Variants in AGAP1 observed in about 807,000 individuals in gnomAD.
The protein encoded by AGAP1 is arf-GAP with GTPase, ANK repeat and PH domain-containing protein 1.
Under a neutral mutation model 105.3 loss-of-function variants are expected in AGAP1, and 29 were observed. The observed-to-expected ratio is 0.28, with a 90% CI of 0.21 to 0.38. AGAP1 has a LOEUF of 0.38. Ranked by LOEUF, AGAP1 falls within the 10% of genes least tolerant of loss-of-function variation. The pLI is 1.00. For synonymous variants in AGAP1, 509 were observed against 485.9 expected (o/e 1.05, Z -0.63); for missense variants, 998 against 1,165.1 (o/e 0.86, Z 2.09).
intron 16 of AGAP1, among the ~76,000 whole-genome samples, chr2:236,060,854 C>T (rs1414228994): frequency 6.6e-6 from 1 of 152,120 alleles, no homozygotes; most frequent in Non-Finnish European, 1.5e-5. Context: ...TTGAGGCCAG[C>T]ATCTCAAGAC....
At chr2:236,070,026 A>T (rs1193054994) in intron 16 of AGAP1, among the ~76,000 whole-genome samples, 1 of 152,252 alleles carries the variant, frequency 6.6e-6, no homozygotes, top group Non-Finnish European at 1.5e-5. Flanking sequence ...CCAAGGGCAC[A>T]CTGGTCCACT....
intron 16 of AGAP1, among the ~76,000 whole-genome samples, chr2:236,077,509 G>A (rs1344309485): frequency 1.3e-5 from 2 of 151,964 alleles, no homozygotes; most frequent in African/African-American, 2.4e-5. Flanking sequence ...AGTAGAGACG[G>A]GGTTTCATCA....
intron 12 of AGAP1, among the ~76,000 whole-genome samples, chr2:235,941,934 G>A (rs190374970): frequency 6.6e-6 from 1 of 152,256 alleles, no homozygotes; most frequent in East Asian, 1.9e-4. Flanking sequence ...GTGAGGAAAA[G>A]CATTCTAAAA....
At position 236,104,343 on chromosome 2, in the gene AGAP1, CG is replaced by C. The variant is rs1203871268; in HGVS notation, c.2115-15845del. Among the ~76,000 whole-genome samples, 5 of 152,244 alleles carry C rather than the reference CG, an allele frequency of 3.3e-5. No individual in the cohort carries two copies. Among genetic ancestry groups the C allele is most frequent in the African/African-American group, 1.2e-4 (5 of 41,466 alleles). ...CCATCCCCAGTGCCCTCTGACTGCA[CG>C]GGGCTGAGAAGTCCCCCAGCGGTGC... On this transcript the variant is annotated intron_variant, in intron 16 of 17. Transcript: ENST00000304032. This position sits in a 1 kb window ranked among gnomAD's most constrained non-coding sequence, Gnocchi z 4.7.
At chr2:235,589,497 G>A (rs989496559) in intron 1 of AGAP1, among the ~76,000 whole-genome samples, 11 of 152,094 alleles carry the variant, frequency 7.2e-5, no homozygotes, top group Middle Eastern at 3.4e-3. Context: ...ATGAGCCACC[G>A]CGCCAGTGCT....
intron 9 of AGAP1, among the ~76,000 whole-genome samples, chr2:235,816,686 T>C (rs986483089): frequency 6.6e-6 from 1 of 150,946 alleles, no homozygotes; most frequent in East Asian, 2.0e-4. Flanking sequence ...AGGCCAGGAG[T>C]TCAAGACCAG....
chr2:236,073,979 GT>G lies in AGAP1; in HGVS notation c.2114+24700del, dbSNP rs2058572659. 6.6e-6 allele frequency among the ~76,000 whole-genome samples: 1 copy of G among 152,160 alleles called. No homozygotes were observed. The highest frequency in any genetic ancestry group is 1.5e-5 in the Non-Finnish European group (1 of 68,028). On this transcript the variant is annotated intron_variant, in intron 16 of 17. Transcript: ENST00000304032. The surrounding 1 kb of genome is among the most constrained non-coding windows in gnomAD (Gnocchi z 5.4). ...GCCAAGGTCTCCTCCAGGAGCACAGGTTCTCACCTGGGGCTGATCTGCCCCC... is the reference window on the plus strand; with the variant it reads ...GCCAAGGTCTCCTCCAGGAGCACAGGTCTCACCTGGGGCTGATCTGCCCCC...
rs529207964 is a variant in AGAP1, at chr2:236,125,950, C to T, written c.*1828C>T. 2.1e-4 allele frequency: 32 copies of T among 151,912 alleles called. No homozygotes were observed. Among genetic ancestry groups the T allele is most frequent in the African/African-American group, 5.8e-4 (24 of 41,284 alleles). The allele number at this position is 151,912 out of a possible 1,614,324, so 9.4% of individuals were successfully genotyped here. Reference sequence around the variant, plus strand: ...TGTAGCACAGAAACATGAAGCCACACGCACCGGCAGCCTCCGGGGTGTTCC... The same window carrying T: ...TGTAGCACAGAAACATGAAGCCACATGCACCGGCAGCCTCCGGGGTGTTCC... On this transcript the variant is annotated 3_prime_UTR_variant, in exon 18 of 18. Transcript: ENST00000304032. This position sits in a 1 kb window ranked among gnomAD's most constrained non-coding sequence, Gnocchi z 5.2.
At position 235,855,497 on chromosome 2, in the gene AGAP1, A is replaced by G. The variant is rs911211566; in HGVS notation, c.1051-27848A>G. 2.6e-5 allele frequency among the ~76,000 whole-genome samples: 4 copies of G among 152,226 alleles called. No homozygotes were observed. Among genetic ancestry groups the G allele is most frequent in the Non-Finnish European group, 5.9e-5 (4 of 68,030 alleles). ...CCAAATTCTAAACTGTGTTACGTTC[A>G]GTATGTTTTTGAAGTCATAAAAGTT... On this transcript the variant is annotated intron_variant, in intron 9 of 17. Transcript: ENST00000304032. This position sits in a 1 kb window ranked among gnomAD's most constrained non-coding sequence, Gnocchi z 5.0.
At position 235,901,644 on chromosome 2, in the gene AGAP1, G is replaced by T. The variant is rs1184263961; in HGVS notation, c.1156-7094G>T. 2.6e-5 allele frequency among the ~76,000 whole-genome samples: 4 copies of T among 152,152 alleles called. No homozygotes were observed. Among genetic ancestry groups the T allele is most frequent in the Non-Finnish European group, 5.9e-5 (4 of 68,024 alleles). On this transcript the variant is annotated intron_variant, in intron 10 of 17. Transcript: ENST00000304032. This position sits in a 1 kb window ranked among gnomAD's most constrained non-coding sequence, Gnocchi z 4.3. ...ACCTGTAATCCCAGCACTTTGGGAG[G>T]CCAAGGCGGGTGGGTCACCTGAAGT...
rs1006902095 is a variant in AGAP1, at chr2:235,566,115, G to A, written c.163+71266G>A. On this transcript the variant is annotated intron_variant, in intron 1 of 17. Transcript: ENST00000304032. This position sits in a 1 kb window ranked among gnomAD's most constrained non-coding sequence, Gnocchi z 5.2. ...TATTATTATTATTATTATTTGAGGT[G>A]GAGTTTCACTCTGTCGCCCAGGCTA... is the stretch of plus-strand genomic sequence containing the variant. Among the ~76,000 whole-genome samples the A allele has an allele frequency of 6.6e-6, 1 of 151,728 alleles. No homozygotes were observed. The highest frequency in any genetic ancestry group is 2.1e-4 in the South Asian group (1 of 4,802).
Position 235,977,774 on chromosome 2 carries a change from C to T in AGAP1, c.1645+9151C>T, listed in dbSNP as rs1004310840. 3.8e-4 allele frequency among the ~76,000 whole-genome samples: 58 copies of T among 152,254 alleles called. No individual in the cohort carries two copies. Among genetic ancestry groups the T allele is most frequent in the African/African-American group, 1.3e-3 (56 of 41,548 alleles). ...AAACAAAAGGGGATATTGACTAATG[C>T]AAAACTTAGTCTGTGTGGAAGCAAC... On this transcript the variant is annotated intron_variant, in intron 13 of 17. Coordinates refer to ENST00000304032, the MANE Select transcript of AGAP1 (RefSeq NM_001037131.3). This position sits in a 1 kb window ranked among gnomAD's most constrained non-coding sequence, Gnocchi z 5.2.
chr2:235,543,134 G>T (rs1406006654), intron 1 of AGAP1, among the ~76,000 whole-genome samples: 1 of 127,404 alleles, frequency 7.8e-6, no homozygotes, highest in Non-Finnish European at 1.8e-5. Context: ...TTGGGTGTTG[G>T]GTGTTGGGTG....
chr2:235,617,292 T>C (rs1180478583), intron 1 of AGAP1, among the ~76,000 whole-genome samples: 3 of 152,240 alleles, frequency 2.0e-5, no homozygotes, highest in Non-Finnish European at 2.9e-5. Context: ...AGTTACTTTT[T>C]CTACAAACAA....
intron 1 of AGAP1, among the ~76,000 whole-genome samples, chr2:235,565,017 C>T (rs917115342): frequency 8.2e-5 from 12 of 146,666 alleles, no homozygotes; most frequent in African/African-American, 3.0e-4. Flanking sequence ...CCAGGGTCAT[C>T]CTCACAGGGT....
chr2:235,510,282 T>G (rs184229005), intron 1 of AGAP1, among the ~76,000 whole-genome samples: 1 of 152,264 alleles, frequency 6.6e-6, no homozygotes, highest in Admixed American at 6.5e-5. Flanking sequence ...GCCAAGAAGG[T>G]TAGGGACCAC....
At chr2:235,702,695 C>T (rs532034119) in intron 1 of AGAP1, among the ~76,000 whole-genome samples, 2 of 152,210 alleles carry the variant, frequency 1.3e-5, no homozygotes, top group East Asian at 3.9e-4. Flanking sequence ...TGTGAAATTG[C>T]CACTATTCAA....
In AGAP1 at chr2:235,801,695, AG is replaced by A. The variant is rs1957502372; in HGVS notation, c.957+2175del. ...CCAAAGATGCAGCTGGATTGAGAGA[AG>A]GTGGGCTGTGGGCAGGCGGCCTGTG... On this transcript the variant is annotated intron_variant, in intron 8 of 17. Coordinates refer to ENST00000304032, the MANE Select transcript of AGAP1 (RefSeq NM_001037131.3). The surrounding 1 kb of genome is among the most constrained non-coding windows in gnomAD (Gnocchi z 6.0). Among the ~76,000 whole-genome samples, 1 of 152,122 alleles carries A rather than the reference AG, an allele frequency of 6.6e-6. No homozygotes were observed. Among genetic ancestry groups the A allele is most frequent in the African/African-American group, 2.4e-5 (1 of 41,440 alleles).
At chr2:235,641,352 C>CT (rs780704187) in intron 1 of AGAP1, among the ~76,000 whole-genome samples, 1,650 of 137,224 alleles carry the variant, frequency 0.012, 25 homozygotes, top group African/African-American at 0.032. Context: ...TCCTTCCTTC[C>CT]TTTTTTTTTT....
Sources: allele counts gnomAD v4.1 joint callset (sites outside exome capture counted in the v4.1 genomes callset), GRCh38; gene constraint gnomAD v4.1.1; non-coding constraint Gnocchi (gnomAD v3.1); transcripts MANE v1.5; gene names NCBI Gene and HGNC (gene_info 2026-07-23, HGNC 2026-07-21).